Variants in PCDH15 observed in about 807,000 individuals in gnomAD.
PCDH15 encodes the protein protocadherin related 15.
Under a neutral mutation model 178.5 loss-of-function variants are expected in PCDH15, and 129 were observed. That is an observed-to-expected ratio of 0.72 (90% CI 0.63 to 0.84). The LOEUF is 0.84. Among genes scored for constraint, PCDH15 ranks in the 40% least tolerant of loss-of-function variants. The probability of loss-of-function intolerance (pLI) is 0.00; values close to 1 mark genes in which losing one functional copy is unlikely to be tolerated. For synonymous variants in PCDH15, 800 were observed against 732.0 expected (o/e 1.09, Z -1.50); for missense variants, 2,230 against 2,099.9 (o/e 1.06, Z -1.21).
At chr10:55,106,918 G>A (rs1279561363) in intron 2 of PCDH15, among the ~76,000 whole-genome samples, 1 of 152,160 alleles carries the variant, frequency 6.6e-6, no homozygotes, top group Non-Finnish European at 1.5e-5. Flanking sequence ...ATGATGGAGA[G>A]GAAACAGAAA....
intron 1 of PCDH15, among the ~76,000 whole-genome samples, chr10:54,790,372 T>A (rs1307079137): frequency 1.3e-5 from 2 of 151,316 alleles, no homozygotes; most frequent in East Asian, 1.9e-4. Flanking sequence ...ATGTAAAAAA[T>A]ATATATATGT....
At chr10:54,885,642 C>T (rs1954345177) in intron 3 of PCDH15, among the ~76,000 whole-genome samples, 1 of 152,024 alleles carries the variant, frequency 6.6e-6, no homozygotes, top group South Asian at 2.1e-4. Context: ...AAGATGATCG[C>T]AAACTCATCT....
At chr10:55,590,244 A>T (rs1213133978) in intron 2 of PCDH15, among the ~76,000 whole-genome samples, 1 of 147,224 alleles carries the variant, frequency 6.8e-6, no homozygotes, top group African/African-American at 2.5e-5. Flanking sequence ...GTTCTCACTC[A>T]TAGGTGGGAA....
chr10:54,528,293 G>A (rs1269679247), intron 2 of PCDH15: 5 of 1,212,668 alleles, frequency 4.1e-6, no homozygotes, highest in South Asian at 1.3e-5. Flanking sequence ...TAGAGAGAGT[G>A]AATAGAATTT....
At chr10:54,380,198 A>G (rs1225179868) in intron 3 of PCDH15, among the ~76,000 whole-genome samples, 1 of 152,108 alleles carries the variant, frequency 6.6e-6, no homozygotes, top group Non-Finnish European at 1.5e-5. Context: ...AATAATGTTT[A>G]AACACAAATG....
chr10:53,943,389 T>C (rs1379676385), intron 23 of PCDH15, among the ~76,000 whole-genome samples: 1 of 151,822 alleles, frequency 6.6e-6, no homozygotes, highest in Non-Finnish European at 1.5e-5. Flanking sequence ...GACATGAGAA[T>C]TGCTTGAACC....
intron 28 of PCDH15, 34 bp from the exon 29 acceptor site, chr10:53,840,530 C>T (rs778019005): frequency 6.3e-7 from 1 of 1,584,896 alleles, no homozygotes; most frequent in Admixed American, 1.7e-5. Flanking sequence ...CATGACAGTC[C>T]AATGGGCTTT....
chr10:54,948,924 A>G (rs547589012), intron 2 of PCDH15, among the ~76,000 whole-genome samples: 1 of 152,074 alleles, frequency 6.6e-6, no homozygotes, highest in East Asian at 1.9e-4. Flanking sequence ...TCGACACAGT[A>G]TATGTTAGCC....
At chr10:55,030,124 A>C (rs964679567) in intron 2 of PCDH15, among the ~76,000 whole-genome samples, 1 of 152,194 alleles carries the variant, frequency 6.6e-6, no homozygotes, top group Non-Finnish European at 1.5e-5. Flanking sequence ...GGACACATAG[A>C]AATTAAGTCA....
rs1183543816 is a variant in PCDH15 at position 55,505,119 on chromosome 10, A to G, written c.-156+122506T>C. On this transcript the variant is annotated intron_variant, in intron 2 of 5. Transcript: ENST00000613346. ...TTTTCTAGAGAACACTTTGATATGA[A>G]CTAATGAGAAGACACAGGAAATGTT... 2.0e-5 allele frequency among the ~76,000 whole-genome samples: 3 copies of G among 151,468 alleles called. No individual in the cohort carries two copies. In the East Asian group the frequency reaches 5.8e-4, roughly 29 times the overall value.
chr10:54,762,463 T>G (rs1474663902), intron 1 of PCDH15, among the ~76,000 whole-genome samples: 4 of 152,102 alleles, frequency 2.6e-5, no homozygotes, highest in Non-Finnish European at 5.9e-5. Flanking sequence ...GAGTTGATAT[T>G]TGTAACTTTT....
At chr10:54,132,260 G>A (rs529951970) in intron 15 of PCDH15, among the ~76,000 whole-genome samples, 1 of 152,236 alleles carries the variant, frequency 6.6e-6, no homozygotes, top group African/African-American at 2.4e-5. Context: ...AGATACTTTG[G>A]TCAGAAATAT....
At chr10:55,402,173 A>T (rs1565101233) in intron 2 of PCDH15, among the ~76,000 whole-genome samples, 1 of 151,608 alleles carries the variant, frequency 6.6e-6, no homozygotes, top group African/African-American at 2.4e-5. Context: ...TTAGTCAATG[A>T]CTTACACAGT....
At chr10:55,554,319 A>G (rs1174779683) in intron 2 of PCDH15, among the ~76,000 whole-genome samples, 1 of 152,076 alleles carries the variant, frequency 6.6e-6, no homozygotes, top group Non-Finnish European at 1.5e-5. Flanking sequence ...GTGTAAAAAT[A>G]GTCTAGAAAG....
intron 5 of PCDH15, among the ~76,000 whole-genome samples, chr10:54,354,228 G>A (rs184310094): frequency 6.4e-4 from 97 of 152,234 alleles, no homozygotes; most frequent in African/African-American, 9.6e-4. Context: ...CAGGTGATCC[G>A]CCTGCCTCGG....
chr10:55,032,130 C>T (rs1840626637), intron 2 of PCDH15, among the ~76,000 whole-genome samples: 1 of 152,036 alleles, frequency 6.6e-6, no homozygotes, highest in Non-Finnish European at 1.5e-5. Context: ...TTAGTGATTA[C>T]CTAAGTGGTC....
chr10:53,897,766 T>C (rs1407568647), intron 26 of PCDH15, among the ~76,000 whole-genome samples: 1 of 152,136 alleles, frequency 6.6e-6, no homozygotes, highest in Non-Finnish European at 1.5e-5. Flanking sequence ...TTGCCTACTC[T>C]AGGTAAGTAG....
intron 18 of PCDH15, among the ~76,000 whole-genome samples, chr10:54,064,699 C>A (rs1307835829): frequency 6.6e-6 from 1 of 152,194 alleles, no homozygotes; most frequent in Non-Finnish European, 1.5e-5. Context: ...CACGCACACA[C>A]CCAGCCTGGT....
chr10:54,464,596 C>T (rs557913030), intron 3 of PCDH15, among the ~76,000 whole-genome samples: 1 of 152,246 alleles, frequency 6.6e-6, no homozygotes, highest in South Asian at 2.1e-4. Context: ...TAACTAACAT[C>T]TATATTTACA....
Sources: allele counts gnomAD v4.1 joint callset (sites outside exome capture counted in the v4.1 genomes callset), GRCh38; gene constraint gnomAD v4.1.1; transcripts MANE v1.5; gene names NCBI Gene and HGNC (gene_info 2026-07-23, HGNC 2026-07-21).